The following NSMCE4A variants were observed in gnomAD, a reference collection of about 807,000 sequenced individuals.
NSMCE4A encodes NSE4A component of SMC5/6 complex.
Under a neutral mutation model 47.9 loss-of-function variants are expected in NSMCE4A, and 40 were observed. The observed-to-expected ratio is 0.83, with a 90% confidence interval of 0.65 to 1.09. NSMCE4A has a LOEUF of 1.09. Ranked by LOEUF, NSMCE4A falls within the 50% of genes least tolerant of loss-of-function variation. The pLI, the probability that NSMCE4A is intolerant of heterozygous loss-of-function variation, is 0.00. For synonymous variants in NSMCE4A, 166 were observed against 178.5 expected (o/e 0.93, Z 0.56); for missense variants, 500 against 507.0 (o/e 0.99, Z 0.13).
At chr10:121,965,190 G>C in intron 5 of NSMCE4A, 96 bp downstream of exon 5, 1 of 788,006 alleles carries the variant, frequency 1.3e-6, no homozygotes, top group Non-Finnish European at 2.1e-6. Flanking sequence ...CTCCAGACCC[G>C]CACACTTAGA....
At chr10:121,964,322 T>C (rs1233810858) in intron 5 of NSMCE4A, among the ~76,000 whole-genome samples, 1 of 151,912 alleles carries the variant, frequency 6.6e-6, no homozygotes, top group Non-Finnish European at 1.5e-5. Context: ...TTTTGTACTT[T>C]TTAGTAGAGA....
At chr10:121,959,846 T>TCTA in intron 8 of NSMCE4A, 1 of 518,024 alleles carries the variant, frequency 1.9e-6, no homozygotes, top group Non-Finnish European at 3.5e-6. Flanking sequence ...AATCTGCATA[T>TCTA]CTATGTGTCA....
Position 121,961,459 on chromosome 10 carries a change from T to G in NSMCE4A, c.903A>C (p.Thr301=), listed in dbSNP as rs763322697. The change falls in exon 7 of 11, where the codon ACA becomes ACC. Residue 301 remains threonine (T), a synonymous_variant. Coordinates refer to ENST00000369023, the MANE Select transcript of NSMCE4A (RefSeq NM_017615.3). The part of the protein sequence containing the change: ...FVVDPHSFPR[T]VENIFHVSFI... ...AGGAAACATGAAAGATGTTTTCCAC[T>G]GTACGGGGGAAAGAATGAGGATCAA... The G allele has an allele frequency of 6.3e-7, 1 of 1,577,274 alleles. No individual in the cohort carries two copies. Among genetic ancestry groups the G allele is most frequent in the Non-Finnish European group, 8.5e-7 (1 of 1,170,234 alleles).
intron 2 of NSMCE4A, among the ~76,000 whole-genome samples, chr10:121,972,523 T>C (rs946037697): frequency 6.6e-6 from 1 of 152,208 alleles, no homozygotes; most frequent in Admixed American, 6.5e-5. Flanking sequence ...TGTTGTTTGC[T>C]GAGCAACTCC....
intron 2 of NSMCE4A, among the ~76,000 whole-genome samples, chr10:121,972,309 T>C (rs956716577): frequency 6.6e-6 from 1 of 151,436 alleles, no homozygotes; most frequent in African/African-American, 2.4e-5. Flanking sequence ...GGGCGACAGG[T>C]GTAGGTGTTC....
chr10:121,974,435 AT>A (rs1952776629), intron 1 of NSMCE4A: 1 of 1,021,098 alleles, frequency 9.8e-7, no homozygotes, highest in African/African-American at 1.7e-5. Flanking sequence ...CCACCCAGAG[AT>A]TCGAATTCCG....
chr10:121,963,014 A>G (rs1952530125), intron 6 of NSMCE4A, among the ~76,000 whole-genome samples: 1 of 152,250 alleles, frequency 6.6e-6, no homozygotes, highest in Admixed American at 6.5e-5. Context: ...CTTGAATGGC[A>G]TATTTCATTT....
Position 121,975,075 on chromosome 10 carries a change from G to C in NSMCE4A, c.91C>G (p.Arg31Gly). ...CGGGACCTGGGCGACAAAGGGGACC[G>C]CGAGCGGGAGCGGGAGCGGGTGCGA... ...RDRTRSRSRS[R>G]SPLSPRSRRG... The change falls in exon 1 of 11, where the codon CGG (arginine) becomes GGG (glycine). Residue 31 changes from arginine to glycine, a missense_variant. By Grantham distance (125) the Arg-to-Gly change is moderately radical (BLOSUM62 -2). Coordinates refer to ENST00000369023, the MANE Select transcript of NSMCE4A (RefSeq NM_017615.3). 1 of 1,446,056 alleles carries C rather than the reference G, an allele frequency of 6.9e-7. No individual in the cohort carries two copies. The highest frequency in any genetic ancestry group is 9.0e-7 in the Non-Finnish European group (1 of 1,109,780). 89.6% of individuals were successfully genotyped at this position (1,446,056 alleles called of 1,614,324 possible).
chr10:121,973,568 C>T (rs577922603), intron 2 of NSMCE4A, among the ~76,000 whole-genome samples: 25 of 152,326 alleles, frequency 1.6e-4, no homozygotes, highest in Admixed American at 1.6e-3. Flanking sequence ...TTGCCACCTC[C>T]ATTGTGTTAC....
In NSMCE4A at chr10:121,960,443, T is replaced by C; in HGVS notation, c.940-37A>G. 1.4e-6 allele frequency: 2 copies of C among 1,470,382 alleles called. No individual in the cohort carries two copies. The highest frequency in any genetic ancestry group is 1.8e-6 in the Non-Finnish European group (2 of 1,108,870). The allele number at this position is 1,470,382 out of a possible 1,614,324, so 91.1% of individuals were successfully genotyped here. On this transcript the variant is annotated intron_variant, in intron 7 of 10. Transcript: ENST00000369023. The surrounding 1 kb of genome is among the most constrained non-coding windows in gnomAD (Gnocchi z 4.2). ...ACATGATTTTAGGAGAAGACAAACATTTAAGACTCAAACCTATACGCACTA... is the reference window on the plus strand; with the variant it reads ...ACATGATTTTAGGAGAAGACAAACACTTAAGACTCAAACCTATACGCACTA...
chr10:121,959,442 G>T, intron 9 of NSMCE4A, 32 bp from the exon 10 acceptor site: 2 of 1,612,900 alleles, frequency 1.2e-6, no homozygotes, highest in Non-Finnish European at 1.7e-6. Context: ...TTAGGCACTG[G>T]GCTTACTGCA....
rs1259028579 is a variant in NSMCE4A, at chr10:121,960,504, GA to G, written c.940-99del. ...ATTACTCAGAAAATTCAGTATCTCAGAAAATCAAATTACACCATAGCAATAA... is the reference window on the plus strand; with the variant it reads ...ATTACTCAGAAAATTCAGTATCTCAGAAATCAAATTACACCATAGCAATAA... On this transcript the variant is annotated intron_variant, in intron 7 of 10. Transcript: ENST00000369023. The surrounding 1 kb of genome is among the most constrained non-coding windows in gnomAD (Gnocchi z 4.2). 21 of 795,036 alleles carry G rather than the reference GA, an allele frequency of 2.6e-5. No homozygotes were observed. The highest frequency in any genetic ancestry group is 3.9e-5 in the Non-Finnish European group (20 of 514,528). The allele number at this position is 795,036 out of a possible 1,614,324, so 49.2% of individuals were successfully genotyped here.
Position 121,965,287 on chromosome 10 carries a change from T to A in NSMCE4A, c.752A>T (p.Gln251Leu). The A allele has an allele frequency of 6.2e-7, 1 of 1,603,036 alleles. No homozygotes were observed. ...VIQEERAMPA[Q>L]LRRMEESHQE... is the part of the protein sequence containing the mutation. ...TAAAAGCAACATTTTAAAACAAACC[T>A]GGGCAGGCATTGCCCTCTCCTCTTG... Residue 251 changes from glutamine to leucine, a missense_variant and splice_region_variant, in exon 5 of 11, where the codon CAG becomes CTG. Physicochemically the swap from Gln to Leu is moderately radical, Grantham distance 113. Transcript: ENST00000369023.
At chr10:121,967,595 A>G in intron 4 of NSMCE4A, 60 bp downstream of exon 4, 3 of 1,538,196 alleles carry the variant, frequency 2.0e-6, no homozygotes. Flanking sequence ...TGTCCCTACA[A>G]GAAAAAGCAA....
At position 121,974,988 on chromosome 10, in the gene NSMCE4A, G is replaced by C; in HGVS notation, c.178C>G (p.Pro60Ala). ...PERPSLEDTE[P>A]SDSGDEMMDP... ...ATCATCTCGTCCCCGGAATCCGACGGCTCTGTGTCCTCCAGGCTCGGGCGC... is the reference window on the plus strand; with the variant it reads ...ATCATCTCGTCCCCGGAATCCGACGCCTCTGTGTCCTCCAGGCTCGGGCGC... Residue 60 changes from proline to alanine, a missense_variant, in exon 1 of 11, where the codon CCG becomes GCG. Coordinates refer to ENST00000369023, the MANE Select transcript of NSMCE4A (RefSeq NM_017615.3). The C allele has an allele frequency of 6.6e-7, 1 of 1,520,860 alleles. No individual in the cohort carries two copies. The highest frequency in any genetic ancestry group is 8.8e-7 in the Non-Finnish European group (1 of 1,137,064). The allele number at this position is 1,520,860 out of a possible 1,614,324, so 94.2% of individuals were successfully genotyped here. A position where few individuals can be genotyped will look rare whatever the true frequency, so the allele number is the denominator to read the frequency against.
intron 3 of NSMCE4A, 134 bp from the exon 4 acceptor site, chr10:121,967,940 A>G: frequency 1.2e-6 from 1 of 817,062 alleles, no homozygotes; most frequent in African/African-American, 1.8e-5. Flanking sequence ...ATGCTGGCTA[A>G]ATTTCTTACT....
At chr10:121,961,607 G>GTAC in intron 6 of NSMCE4A, 90 bp from the exon 7 acceptor site, 1 of 749,638 alleles carries the variant, frequency 1.3e-6, no homozygotes, top group South Asian at 2.4e-5. Context: ...GAAAGGATGT[G>GTAC]TACTCATTCC....
Position 121,963,305 on chromosome 10 carries a change from A to G in NSMCE4A, c.777T>C (p.His259=). The G allele has an allele frequency of 2.5e-6, 4 of 1,609,802 alleles. No homozygotes were observed. The highest frequency in any genetic ancestry group is 3.4e-6 in the Non-Finnish European group (4 of 1,176,894). Residue 259 remains histidine (H), a synonymous_variant, in exon 6 of 11, where the codon CAT becomes CAC. Coordinates refer to ENST00000369023, the MANE Select transcript of NSMCE4A (RefSeq NM_017615.3). The part of the protein sequence containing the change: ...PAQLRRMEES[H]QEATEKEVER... ...CTACTTCTTTCTCTGTTGCTTCTTGATGAGATTCTTCCATTCTTCTTAACT... is the reference window on the plus strand; with the variant it reads ...CTACTTCTTTCTCTGTTGCTTCTTGGTGAGATTCTTCCATTCTTCTTAACT...
At position 121,975,080 on chromosome 10, in the gene NSMCE4A, CG is replaced by C; in HGVS notation, c.85del (p.Arg29AlafsTer39). 6.9e-7 allele frequency: 1 copy of C among 1,440,312 alleles called. No individual in the cohort carries two copies. The highest frequency in any genetic ancestry group is 3.1e-5 in the Admixed American group (1 of 32,148). The allele number at this position is 1,440,312 out of a possible 1,614,324, so 89.2% of individuals were successfully genotyped here. A position where few individuals can be genotyped will look rare whatever the true frequency, so the allele number is the denominator to read the frequency against. On this transcript the variant is annotated frameshift_variant, in exon 1 of 11. Transcript: ENST00000369023. LOFTEE classifies it high-confidence loss of function. ...CCTGGGCGACAAAGGGGACCGCGAG[CG>C]GGAGCGGGAGCGGGTGCGATCCCGA... is the stretch of plus-strand genomic sequence containing the variant. ...PHRDRTRSRS[R>X]SRSPLSPRSR...
Sources: gnomAD v4.1 joint callset for allele counts (sites outside exome capture counted in the v4.1 genomes callset) on GRCh38, gnomAD v4.1.1 for gene constraint, Gnocchi (gnomAD v3.1) non-coding constraint, MANE v1.5 for transcripts, NCBI Gene and HGNC (gene_info 2026-07-23, HGNC 2026-07-21) for gene names.